Variants in DDX52 observed in about 807,000 individuals in gnomAD.
DDX52 encodes the protein DExD-box helicase 52.
Under a neutral mutation model 76.1 loss-of-function variants are expected in DDX52, and 59 were observed. The ratio of observed to expected loss-of-function variants is 0.78; its 90% confidence interval spans 0.63 to 0.96. The LOEUF (loss-of-function observed/expected upper bound fraction) is 0.96. Among genes scored for constraint, DDX52 ranks in the 40% least tolerant of loss-of-function variants. The pLI is 0.00. For synonymous variants in DDX52, 231 were observed against 244.1 expected, an observed-to-expected ratio of 0.95 and a Z score of 0.50; for missense variants, 707 against 703.9, an observed-to-expected ratio of 1.00 and a Z score of -0.05.
chr17:37,625,905 T>C lies in DDX52; in HGVS notation c.1126A>G (p.Ile376Val). The C allele has an allele frequency of 6.2e-7, 1 of 1,614,026 alleles. No homozygotes were observed. Among genetic ancestry groups the C allele is most frequent in the Admixed American group, 1.7e-5 (1 of 60,016 alleles). The change falls in exon 8 of 15, where the codon ATT becomes GTT. Residue 376 changes from isoleucine to valine, a missense_variant. Ile to Val is a conservative substitution (Grantham distance 29). Coordinates refer to ENST00000617633, the MANE Select transcript of DDX52 (RefSeq NM_007010.5). ...LNLDNVISVS[I>V]GARNSAVETV... ...GAAACAATTAAATACCTTGCTCCAA[T>C]GGACACACTGATGACATTGTCCAGG...
In DDX52 at chr17:37,621,460, G is replaced by T; in HGVS notation, c.1288C>A (p.His430Asn). Residue 430 changes from histidine (H) to asparagine (N), a missense_variant, in exon 10 of 15, where the codon CAT (histidine) becomes AAT (asparagine). His to Asn is a moderately conservative substitution (Grantham distance 68). Coordinates refer to ENST00000617633, the MANE Select transcript of DDX52 (RefSeq NM_007010.5). ...QSIERAKELF[H>N]ELIYEGINVD... ...TTAATACCTTCATATATGAGCTCAT[G>T]AAAAAGTTCTTTAGCCCTTTCAATG... 6.2e-7 allele frequency: 1 copy of T among 1,613,704 alleles called. No homozygotes were observed. Among genetic ancestry groups the T allele is most frequent in the African/African-American group, 1.3e-5 (1 of 74,998 alleles).
intron 9 of DDX52, among the ~76,000 whole-genome samples, chr17:37,622,861 G>A (rs182767119): frequency 1.6e-3 from 250 of 152,224 alleles, no homozygotes; most frequent in Non-Finnish European, 2.9e-3. Context: ...TATGTGCCAA[G>A]CACTATTATA....
chr17:37,630,552 GAAC>G (rs1454567388), intron 4 of DDX52, among the ~76,000 whole-genome samples: 1 of 151,258 alleles, frequency 6.6e-6, no homozygotes, highest in African/African-American at 2.4e-5. Context: ...AGGTTTTATT[GAAC>G]AACAAAATGG....
intron 1 of DDX52, chr17:37,643,116 A>G (rs1053341703): frequency 1.7e-5 from 7 of 419,432 alleles, no homozygotes; most frequent in African/African-American, 1.4e-4. Context: ...TGCCAGGCCC[A>G]ACTAGGTCTA....
rs2031222742 is a variant in DDX52, at chr17:37,642,003, TC to T, written c.286+106del. The stretch of plus-strand genomic sequence containing the variant: ...ATACCTGGAAACAACCTGAGTGCCA[TC>T]AGCTGACAAATGACCTTATTGTCTG... On this transcript the variant is annotated intron_variant, in intron 2 of 14. Coordinates refer to ENST00000617633, the MANE Select transcript of DDX52 (RefSeq NM_007010.5). The T allele has an allele frequency of 5.8e-6, 8 of 1,375,634 alleles. No homozygotes were observed. The East Asian group carries it at 1.9e-4, about 32-fold the overall frequency. The allele number at this position is 1,375,634 out of a possible 1,614,324, so 85.2% of individuals were successfully genotyped here.
At chr17:37,640,990 A>G (rs1425407607) in intron 2 of DDX52, among the ~76,000 whole-genome samples, 1 of 152,146 alleles carries the variant, frequency 6.6e-6, no homozygotes, top group East Asian at 1.9e-4. Context: ...TCTCAAAAGC[A>G]AACAAACAAA....
At chr17:37,636,187 A>G (rs926003288) in intron 2 of DDX52, among the ~76,000 whole-genome samples, 2 of 152,228 alleles carry the variant, frequency 1.3e-5, no homozygotes, top group Non-Finnish European at 2.9e-5. Flanking sequence ...CAAGGCCACA[A>G]AGATTTTTTT....
intron 7 of DDX52, 97 bp from the exon 8 acceptor site, chr17:37,626,195 A>G: frequency 7.9e-7 from 1 of 1,263,128 alleles, no homozygotes; most frequent in Non-Finnish European, 1.1e-6. Flanking sequence ...AAGTCAAACT[A>G]TAATGCTGCT....
At chr17:37,642,600 A>T (rs765088839) in intron 1 of DDX52, 4 of 334,346 alleles carry the variant, frequency 1.2e-5, no homozygotes, top group Non-Finnish European at 2.1e-5. Context: ...AAATAGCAGT[A>T]TTACGAATGA....
chr17:37,615,292 G>A (rs1337065435), intron 14 of DDX52, among the ~76,000 whole-genome samples: 1 of 152,182 alleles, frequency 6.6e-6, no homozygotes, highest in Admixed American at 6.5e-5. Context: ...TGAAGAAAAT[G>A]GAGACACAAC....
intron 1 of DDX52, 133 bp downstream of exon 1, chr17:37,643,201 A>G: frequency 3.4e-6 from 3 of 871,718 alleles, no homozygotes; most frequent in Non-Finnish European, 5.2e-6. Flanking sequence ...CACAAAAGGA[A>G]GCAAAATACC....
In DDX52 at chr17:37,610,127, A is replaced by T. The variant is rs910781138; in HGVS notation, c.*4169T>A. ...AGCTATTTCGGCATATTTTTTACTG[A>T]TTTTTTTTTTTTTTGAGACAGGGTC... is the stretch of plus-strand genomic sequence containing the variant. On this transcript the variant is annotated 3_prime_UTR_variant, in exon 15 of 15. Coordinates refer to ENST00000617633, the MANE Select transcript of DDX52 (RefSeq NM_007010.5). 2.1e-5 allele frequency: 3 copies of T among 144,064 alleles called. No homozygotes were observed. Among genetic ancestry groups the T allele is most frequent in the African/African-American group, 5.1e-5 (2 of 39,066 alleles). 8.9% of individuals were successfully genotyped at this position (144,064 alleles called of 1,614,324 possible).
At chr17:37,633,870 T>C (rs1221683502) in intron 2 of DDX52, among the ~76,000 whole-genome samples, 1 of 151,948 alleles carries the variant, frequency 6.6e-6, no homozygotes. Flanking sequence ...GTTTCAGCAG[T>C]GTACTTAGTA....
intron 2 of DDX52, among the ~76,000 whole-genome samples, chr17:37,637,597 C>T (rs765074642): frequency 1.3e-5 from 2 of 151,596 alleles, no homozygotes; most frequent in Non-Finnish European, 2.9e-5. Flanking sequence ...TTTTTGAGAC[C>T]GAGTTTCACT....
At position 37,621,236 on chromosome 17, in the gene DDX52, C is replaced by G. The variant is rs777100024; in HGVS notation, c.1392G>C (p.Trp464Cys). ...TVHSFRAGKI[W>C]VLICTALLAR... is the part of the protein sequence containing the mutation. ...CTAGCAAGGCTGTACAAATCAGAACCCAGATTTTTCCTGCTCTGAAACTGT... is the reference window on the plus strand; with the variant it reads ...CTAGCAAGGCTGTACAAATCAGAACGCAGATTTTTCCTGCTCTGAAACTGT... The change falls in exon 11 of 15, where the codon TGG (tryptophan) becomes TGC (cysteine). Residue 464 changes from tryptophan to cysteine, a missense_variant. By Grantham distance (215) the Trp-to-Cys change is radical (BLOSUM62 -2). Coordinates refer to ENST00000617633, the MANE Select transcript of DDX52 (RefSeq NM_007010.5). 104 of 1,613,508 alleles carry G rather than the reference C, an allele frequency of 6.4e-5. 1 individual carries two copies. The highest frequency in any genetic ancestry group is 8.1e-5 in the Non-Finnish European group (96 of 1,179,846).
chr17:37,624,173 T>C (rs923237506), intron 9 of DDX52, 171 bp downstream of exon 9: 2 of 432,860 alleles, frequency 4.6e-6, no homozygotes, highest in Admixed American at 4.0e-5. Flanking sequence ...CTAAATACGA[T>C]GCAGGATGAT....
At chr17:37,620,050 T>C (rs1248194779) in intron 12 of DDX52, 4 of 466,930 alleles carry the variant, frequency 8.6e-6, no homozygotes, top group Non-Finnish European at 1.5e-5. Flanking sequence ...GATGAATAAC[T>C]ATAGATAGCA....
At chr17:37,626,912 G>C (rs1187882683) in intron 6 of DDX52, 52 bp from the exon 7 acceptor site, 2 of 1,489,062 alleles carry the variant, frequency 1.3e-6, no homozygotes. Context: ...TATCCCTCTT[G>C]AACTAGGAAT....
At chr17:37,643,295 T>C (rs775474489) in intron 1 of DDX52, 39 bp downstream of exon 1, 1 of 1,592,410 alleles carries the variant, frequency 6.3e-7, no homozygotes, top group East Asian at 2.3e-5. Context: ...CTCCTGCTCC[T>C]TCTCAGTTAC....
Sources: allele counts gnomAD v4.1 joint callset (sites outside exome capture counted in the v4.1 genomes callset), GRCh38; gene constraint gnomAD v4.1.1; transcripts MANE v1.5; gene names NCBI Gene and HGNC (gene_info 2026-07-23, HGNC 2026-07-21).